TDP1: variants seen among roughly 807,000 people sequenced by gnomAD.
The protein encoded by TDP1 is tyr-DNA phosphodiesterase 1.
Under a neutral mutation model 81.5 loss-of-function variants are expected in TDP1, and 64 were observed. The observed-to-expected ratio is 0.79, with a 90% CI of 0.64 to 0.97. The LOEUF (loss-of-function observed/expected upper bound fraction) is 0.97, where lower values mean the gene tolerates loss of function less well. TDP1 is among the 50% of genes least tolerant of loss of function. The pLI, the probability that TDP1 is intolerant of heterozygous loss-of-function variation, is 0.00. For missense variants in TDP1, 723 were observed against 743.8 expected (o/e 0.97, Z 0.33); for synonymous variants, 256 against 264.3 (o/e 0.97, Z 0.30).
chr14:89,988,736 A>G (rs1895845226), intron 10 of TDP1, 169 bp from the exon 11 acceptor site: 1 of 983,708 alleles, frequency 1.0e-6, no homozygotes, highest in African/African-American at 1.7e-5. Flanking sequence ...ATTTAAAAAA[A>G]ATTTCCCAAA....
chr14:90,026,247 AC>A (rs1886635172), intron 15 of TDP1, among the ~76,000 whole-genome samples: 1 of 152,210 alleles, frequency 6.6e-6, no homozygotes, highest in Non-Finnish European at 1.5e-5. Context: ...CTTCCTCCTG[AC>A]ACCAATGCTG....
At chr14:89,998,392 A>ATG (rs1555390549) in intron 14 of TDP1, among the ~76,000 whole-genome samples, 6 of 105,254 alleles carry the variant, frequency 5.7e-5, no homozygotes, top group African/African-American at 3.3e-4. Flanking sequence ...ATATATATAT[A>ATG]TATATATATA....
At chr14:89,988,580 C>A (rs1031251237) in intron 10 of TDP1, 2 of 980,182 alleles carry the variant, frequency 2.0e-6, no homozygotes, top group African/African-American at 3.5e-5. Context: ...TAAAAAAAAT[C>A]TAATTTCATA....
intron 15 of TDP1, among the ~76,000 whole-genome samples, chr14:90,021,743 G>A (rs1289671064): frequency 1.3e-5 from 2 of 152,162 alleles, no homozygotes; most frequent in African/African-American, 4.8e-5. Context: ...TATTTATAAA[G>A]ACCATCAGAC....
intron 5 of TDP1, 72 bp from the exon 6 acceptor site, chr14:89,971,103 C>T (rs767846987): frequency 1.0e-4 from 136 of 1,363,976 alleles, no homozygotes; most frequent in Non-Finnish European, 1.3e-4. Context: ...CCCAAGGTGC[C>T]GGGATTACAG....
chr14:89,998,436 G>GTATGTATGTATGTATGTATGTATGTA (rs1555390662), intron 14 of TDP1, among the ~76,000 whole-genome samples: 39 of 106,396 alleles, frequency 3.7e-4, no homozygotes, highest in African/African-American at 1.8e-3. Flanking sequence ...ATGTATGTAT[G>GTATGTATGTATGTATGTATGTATGTA]TATGTATATG....
chr14:90,012,110 A>G (rs1884780787), intron 14 of TDP1, among the ~76,000 whole-genome samples: 1 of 152,212 alleles, frequency 6.6e-6, no homozygotes, highest in African/African-American at 2.4e-5. Flanking sequence ...GCCAACATAC[A>G]GCTCAGGCCA....
chr14:90,043,029 T>C (rs943035237), intron 16 of TDP1, 41 bp from the exon 17 acceptor site: 2 of 1,613,990 alleles, frequency 1.2e-6, no homozygotes, highest in Non-Finnish European at 1.7e-6. Flanking sequence ...TTTTCTACCA[T>C]CCTATTCAAA....
Position 90,018,915 on chromosome 14 carries a change from C to G in TDP1, c.1542-401C>G, listed in dbSNP as rs1015825748. On this transcript the variant is annotated intron_variant, in intron 14 of 16. Coordinates refer to ENST00000335725, the MANE Select transcript of TDP1 (RefSeq NM_018319.4). ...AAAAACTGAAAAAGGAAATATGAAGCTTAAGATACTACTACATAAGATAAT... is the reference window on the plus strand; with the variant it reads ...AAAAACTGAAAAAGGAAATATGAAGGTTAAGATACTACTACATAAGATAAT... 4.2e-6 allele frequency: 4 copies of G among 947,918 alleles called. No individual in the cohort carries two copies. The African/African-American group carries it at 7.2e-5, about 17-fold the overall frequency. The allele number at this position is 947,918 out of a possible 1,614,324, so 58.7% of individuals were successfully genotyped here.
Position 89,964,114 on chromosome 14 carries a change from G to C in TDP1, c.559+441G>C, listed in dbSNP as rs35382660. On this transcript the variant is annotated intron_variant, in intron 3 of 16. Coordinates refer to ENST00000335725, the MANE Select transcript of TDP1 (RefSeq NM_018319.4). ...TGGACTCTGAGGGTGAGATCCTGCAGTCTGTGTTTTCACGAGCCCTTGAGG... is the reference window on the plus strand; with the variant it reads ...TGGACTCTGAGGGTGAGATCCTGCACTCTGTGTTTTCACGAGCCCTTGAGG... Among the ~76,000 whole-genome samples the C allele has an allele frequency of 3.3e-5, 5 of 152,316 alleles. No homozygotes were observed. In the East Asian group the frequency reaches 9.6e-4, roughly 29 times the overall value.
chr14:89,985,590 T>G (rs1200784909), intron 10 of TDP1, among the ~76,000 whole-genome samples: 1 of 152,246 alleles, frequency 6.6e-6, no homozygotes, highest in Non-Finnish European at 1.5e-5. Flanking sequence ...AGCTATAATA[T>G]ATTTTGATTA....
chr14:90,005,250 A>G (rs1172897324), intron 14 of TDP1, among the ~76,000 whole-genome samples: 2 of 152,282 alleles, frequency 1.3e-5, no homozygotes, highest in Non-Finnish European at 2.9e-5. Context: ...AGTGGATTTT[A>G]TGCTGTGTTC....
chr14:89,957,308 T>G (rs1891773346), intron 2 of TDP1: 1 of 152,244 alleles, frequency 6.6e-6, no homozygotes, highest in Non-Finnish European at 1.5e-5. Flanking sequence ...AACTATATTG[T>G]TAACGCCTCA....
At chr14:90,010,661 C>T (rs74740188) in intron 14 of TDP1, among the ~76,000 whole-genome samples, 5,926 of 152,266 alleles carry the variant, frequency 0.039, 379 homozygotes, top group African/African-American at 0.13. Context: ...AAGGGGAATG[C>T]AGACAGCCTC....
intron 16 of TDP1, among the ~76,000 whole-genome samples, chr14:90,036,060 C>G (rs987324245): frequency 6.6e-6 from 1 of 152,148 alleles, no homozygotes; most frequent in East Asian, 1.9e-4. Context: ...GGCCAGCAAG[C>G]AGAATGCTTT....
chr14:90,008,923 G>C (rs1312777224), intron 14 of TDP1, among the ~76,000 whole-genome samples: 1 of 152,130 alleles, frequency 6.6e-6, no homozygotes, highest in Non-Finnish European at 1.5e-5. Flanking sequence ...TGCCCTGGCT[G>C]GTCTCAAGCC....
intron 14 of TDP1, among the ~76,000 whole-genome samples, chr14:90,000,585 A>C (rs765803562): frequency 6.6e-6 from 1 of 152,118 alleles, no homozygotes. Context: ...GAGTTTCTCC[A>C]TGTTGGTCAG....
At chr14:89,986,296 A>G (rs942531916) in intron 10 of TDP1, among the ~76,000 whole-genome samples, 1 of 152,230 alleles carries the variant, frequency 6.6e-6, no homozygotes, top group African/African-American at 2.4e-5. Context: ...GTTATCTACA[A>G]GCCGTGTGAC....
rs759728655 is a variant in TDP1, at chr14:89,963,172, G to A, written c.58G>A (p.Glu20Lys). 7 of 1,614,128 alleles carry A rather than the reference G, an allele frequency of 4.3e-6. No homozygotes were observed. Among genetic ancestry groups the A allele is most frequent in the Non-Finnish European group, 5.9e-6 (7 of 1,180,018 alleles). Residue 20 changes from glutamate (E) to lysine (K), a missense_variant, in exon 3 of 17, where the codon GAA becomes AAA. Coordinates refer to ENST00000335725, the MANE Select transcript of TDP1 (RefSeq NM_018319.4). ...WTISSSDESE[E>K]EKPKPDKPST... ...CATATCTAGTAGTGATGAAAGTGAG[G>A]AAGAAAAGCCAAAACCAGACAAGCC...
Sources: allele counts gnomAD v4.1 joint callset (sites outside exome capture counted in the v4.1 genomes callset), GRCh38; gene constraint gnomAD v4.1.1; transcripts MANE v1.5; gene names NCBI Gene and HGNC (gene_info 2026-07-23, HGNC 2026-07-21).